Variants in TMEFF2 observed in about 807,000 individuals in gnomAD.
The protein encoded by TMEFF2 is transmembrane protein with EGF like and two follistatin like domains 2.
A neutral mutation model predicts 53.8 loss-of-function variants in TMEFF2; 28 were observed. That is an observed-to-expected ratio of 0.52 (90% CI 0.39 to 0.71). The LOEUF (loss-of-function observed/expected upper bound fraction) is 0.71. Ranked by LOEUF, TMEFF2 falls within the 30% of genes least tolerant of loss-of-function variation. TMEFF2 has a pLI of 0.00. For synonymous variants in TMEFF2, 162 were observed against 166.3 expected, an observed-to-expected ratio of 0.97 and a Z score of 0.20; for missense variants, 353 against 455.2, an observed-to-expected ratio of 0.78 and a Z score of 2.04.
chr2:192,113,115 A>T (rs551720894), intron 4 of TMEFF2, among the ~76,000 whole-genome samples: 1 of 152,312 alleles, frequency 6.6e-6, no homozygotes, highest in Middle Eastern at 3.4e-3. Context: ...TTAATGTTGA[A>T]GGTTGTAGAG....
intron 4 of TMEFF2, among the ~76,000 whole-genome samples, chr2:192,088,680 A>G (rs1036884973): frequency 3.3e-5 from 5 of 152,150 alleles, no homozygotes; most frequent in Admixed American, 6.6e-5. Context: ...TTCCCTATTC[A>G]TATTTCATGT....
At chr2:191,958,282 A>G (rs751902008) in intron 7 of TMEFF2, among the ~76,000 whole-genome samples, 1 of 152,160 alleles carries the variant, frequency 6.6e-6, no homozygotes, top group Admixed American at 6.5e-5. Context: ...ATAACAAACT[A>G]TTCGACACTT....
chr2:192,075,332 T>TATATACATAC (rs796267672), intron 4 of TMEFF2, among the ~76,000 whole-genome samples: 7 of 88,144 alleles, frequency 7.9e-5, no homozygotes, highest in African/African-American at 2.5e-4. Flanking sequence ...TATATATATA[T>TATATACATAC]ACATACATAC....
intron 7 of TMEFF2, 57 bp from the exon 8 acceptor site, chr2:191,956,435 A>C (rs189607342): frequency 6.4e-7 from 1 of 1,569,284 alleles, no homozygotes; most frequent in Non-Finnish European, 8.6e-7. Flanking sequence ...GGTAAGATCA[A>C]CCAGTACATT....
chr2:192,041,153 C>T (rs989977450), intron 5 of TMEFF2, among the ~76,000 whole-genome samples: 15 of 152,196 alleles, frequency 9.9e-5, no homozygotes, highest in Middle Eastern at 6.8e-3. Context: ...TCAAAGGATA[C>T]GGTCAAGAGA....
intron 5 of TMEFF2, among the ~76,000 whole-genome samples, chr2:192,006,060 C>CTGT (rs1686492768): frequency 7.1e-6 from 1 of 140,042 alleles, no homozygotes; most frequent in Non-Finnish European, 1.5e-5. Context: ...TCTCAGGTGA[C>CTGT]TTTTTTTTTT....
intron 4 of TMEFF2, among the ~76,000 whole-genome samples, chr2:192,148,065 T>G (rs924204617): frequency 3.3e-5 from 5 of 152,056 alleles, no homozygotes; most frequent in Non-Finnish European, 7.4e-5. Context: ...AGCTCAATCA[T>G]GTGTCCCACA....
intron 3 of TMEFF2, among the ~76,000 whole-genome samples, 181 bp downstream of exon 3, chr2:192,184,173 A>G (rs1394659651): frequency 3.3e-5 from 5 of 152,126 alleles, no homozygotes; most frequent in Non-Finnish European, 1.5e-5. Flanking sequence ...TTTCTTCCAA[A>G]AGTGATTTGA....
chr2:191,980,950 T>C (rs1685838568), intron 7 of TMEFF2, among the ~76,000 whole-genome samples: 2 of 152,116 alleles, frequency 1.3e-5, no homozygotes, highest in African/African-American at 4.8e-5. Context: ...CTAAAATCTA[T>C]GTATTTCTCT....
chr2:192,141,470 A>G (rs1353635196), intron 4 of TMEFF2, among the ~76,000 whole-genome samples: 5 of 151,824 alleles, frequency 3.3e-5, no homozygotes, highest in African/African-American at 1.2e-4. Context: ...AAAAAAAAAA[A>G]AAAAAAAAAG....
At chr2:192,143,732 C>T (rs1690189244) in intron 4 of TMEFF2, among the ~76,000 whole-genome samples, 1 of 152,104 alleles carries the variant, frequency 6.6e-6, no homozygotes, top group African/African-American at 2.4e-5. Context: ...GACAACCACA[C>T]ATTTTCGTTA....
At chr2:192,143,809 A>T (rs1690190977) in intron 4 of TMEFF2, among the ~76,000 whole-genome samples, 1 of 152,138 alleles carries the variant, frequency 6.6e-6, no homozygotes, top group African/African-American at 2.4e-5. Context: ...TATTTGAAGG[A>T]TATAAGACCT....
chr2:192,033,893 T>C (rs1194129650), intron 5 of TMEFF2, among the ~76,000 whole-genome samples: 2 of 152,130 alleles, frequency 1.3e-5, no homozygotes, highest in Non-Finnish European at 2.9e-5. Flanking sequence ...ATCCTTTTTT[T>C]GGCCAGGCAT....
chr2:192,063,671 C>G (rs1228370162), intron 4 of TMEFF2, among the ~76,000 whole-genome samples: 1 of 151,666 alleles, frequency 6.6e-6, no homozygotes, highest in Non-Finnish European at 1.5e-5. Context: ...ATATTGGTGA[C>G]AGTAAATTTG....
At position 191,998,283 on chromosome 2, in the gene TMEFF2, A is replaced by G. The variant is rs1449455264; in HGVS notation, c.724T>C (p.Tyr242His). The G allele has an allele frequency of 6.2e-7, 1 of 1,601,540 alleles. No homozygotes were observed. Among genetic ancestry groups the G allele is most frequent in the Admixed American group, 1.7e-5 (1 of 58,318 alleles). Reference sequence around the variant, plus strand: ...GTACCTGCATAATCTGTTCTTGCATAATGCCCATCTTCAGACTTAGTAGTT... The same window carrying G: ...GTACCTGCATAATCTGTTCTTGCATGATGCCCATCTTCAGACTTAGTAGTT... ...TTTTKSEDGH[Y>H]ARTDYAENAN... The change falls in exon 7 of 10, where the codon TAT becomes CAT. Residue 242 changes from tyrosine (Y) to histidine (H), a missense_variant. Coordinates refer to ENST00000272771, the MANE Select transcript of TMEFF2 (RefSeq NM_016192.4).
At chr2:192,159,157 G>T (rs951401159) in intron 4 of TMEFF2, among the ~76,000 whole-genome samples, 5 of 152,142 alleles carry the variant, frequency 3.3e-5, no homozygotes, top group African/African-American at 1.2e-4. Flanking sequence ...GTCAACAAAT[G>T]CTAAATGGGG....
chr2:192,194,109 T>C lies in TMEFF2; in HGVS notation c.172+244A>G, dbSNP rs1368075386. 1.3e-5 allele frequency among the ~76,000 whole-genome samples: 2 copies of C among 152,156 alleles called. No homozygotes were observed. The highest frequency in any genetic ancestry group is 2.9e-5 in the Non-Finnish European group (2 of 68,022). On this transcript the variant is annotated intron_variant, in intron 1 of 9. Coordinates refer to ENST00000272771, the MANE Select transcript of TMEFF2 (RefSeq NM_016192.4). The surrounding 1 kb of genome is among the most constrained non-coding windows in gnomAD (Gnocchi z 4.2). Reference sequence around the variant, plus strand: ...TTTCTCAAAATCCTCGCAGCTCCAATGTAAGCGCAAGCATGCAAAGGTTTC... The same window carrying C: ...TTTCTCAAAATCCTCGCAGCTCCAACGTAAGCGCAAGCATGCAAAGGTTTC...
chr2:192,128,679 A>T (rs1445058611), intron 4 of TMEFF2, among the ~76,000 whole-genome samples: 1 of 152,194 alleles, frequency 6.6e-6, no homozygotes, highest in African/African-American at 2.4e-5. Flanking sequence ...TATCAGGTAT[A>T]ATATGTTAAT....
At chr2:192,115,422 T>C (rs1037432050) in intron 4 of TMEFF2, among the ~76,000 whole-genome samples, 2 of 151,962 alleles carry the variant, frequency 1.3e-5, no homozygotes, top group African/African-American at 2.4e-5. Flanking sequence ...TCTTGGCATC[T>C]TGGCAATTAT....
Sources: gnomAD v4.1 joint callset for allele counts (sites outside exome capture counted in the v4.1 genomes callset) on GRCh38, gnomAD v4.1.1 for gene constraint, Gnocchi (gnomAD v3.1) non-coding constraint, MANE v1.5 for transcripts, NCBI Gene and HGNC (gene_info 2026-07-23, HGNC 2026-07-21) for gene names.